WHAMM: variants seen among roughly 807,000 people sequenced by gnomAD.
The protein encoded by WHAMM is WASP homolog-associated protein with actin, membranes and microtubules.
In WHAMM, 67 loss-of-function variants were observed where a neutral mutation model predicts 76.5. The observed-to-expected ratio is 0.88, with a 90% CI of 0.72 to 1.07. The LOEUF is 1.07. WHAMM is among the 50% of genes least tolerant of loss of function. WHAMM has a pLI of 0.00. For synonymous variants in WHAMM, 419 were observed against 422.1 expected (o/e 0.99, Z 0.09); for missense variants, 1,021 against 1,051.1 (o/e 0.97, Z 0.40).
chr15:82,811,957 T>C (rs2050636175), intron 1 of WHAMM, among the ~76,000 whole-genome samples: 1 of 152,172 alleles, frequency 6.6e-6, no homozygotes, highest in African/African-American at 2.4e-5. Flanking sequence ...TAAGAATGTA[T>C]TGGTTGAAAA....
chr15:82,826,694 C>T (rs768922947), intron 7 of WHAMM, 57 bp from the exon 8 acceptor site: 22 of 1,530,468 alleles, frequency 1.4e-5, no homozygotes, highest in Non-Finnish European at 1.9e-5. Context: ...TTATTGTATG[C>T]CAAGACATTT....
Position 82,810,165 on chromosome 15 carries a change from G to A in WHAMM, c.439G>A (p.Gly147Arg). ...PGEAALQELCGQLERYLGAAA... is the reference protein window; with the variant it reads ...PGEAALQELCRQLERYLGAAA... ...CGAGGCGGCGCTGCAGGAGCTGTGC[G>A]GGCAGCTGGAACGCTATCTGGGCGC... The change falls in exon 1 of 10, where the codon GGG (glycine) becomes AGG (arginine). Residue 147 changes from glycine to arginine, a missense_variant. Coordinates refer to ENST00000286760, the MANE Select transcript of WHAMM (RefSeq NM_001080435.3). The A allele has an allele frequency of 1.4e-6, 2 of 1,398,396 alleles. No homozygotes were observed. Among genetic ancestry groups the A allele is most frequent in the Non-Finnish European group, 1.9e-6 (2 of 1,071,418 alleles). 86.6% of individuals were successfully genotyped at this position (1,398,396 alleles called of 1,614,324 possible). A position where few individuals can be genotyped will look rare whatever the true frequency, so the allele number is the denominator to read the frequency against.
At chr15:82,817,498 A>G (rs2050745864) in intron 3 of WHAMM, among the ~76,000 whole-genome samples, 1 of 152,170 alleles carries the variant, frequency 6.6e-6, no homozygotes, top group African/African-American at 2.4e-5. Context: ...ACAGAAAACT[A>G]CGTAGCTGTT....
chr15:82,813,288 T>A lies in WHAMM; in HGVS notation c.783+12T>A, dbSNP rs74028582. On this transcript the variant is annotated intron_variant, in intron 2 of 9. Transcript: ENST00000286760. ...AGCTTGATATTTTGGTATGTTTTTTTAAAATTTTTACTTTATCAGATTTAC... is the reference window on the plus strand; with the variant it reads ...AGCTTGATATTTTGGTATGTTTTTTAAAAATTTTTACTTTATCAGATTTAC... 3.1e-4 allele frequency: 469 copies of A among 1,508,554 alleles called. 3 individuals are homozygous for A. In the African/African-American group the frequency reaches 6.0e-3, roughly 19 times the overall value. 93.4% of individuals were successfully genotyped at this position (1,508,554 alleles called of 1,614,324 possible). A position where few individuals can be genotyped will look rare whatever the true frequency, so the allele number is the denominator to read the frequency against.
Position 82,835,623 on chromosome 15 carries a change from G to A in WHAMM, c.*2087G>A, listed in dbSNP as rs1298859703. On this transcript the variant is annotated 3_prime_UTR_variant, in exon 10 of 10. Transcript: ENST00000286760. ...TTTTCAGAATGCAAATCCAACTCCT[G>A]TGTATGAATGAATGTGCCTCACTGT... 6.6e-6 allele frequency: 1 copy of A among 152,422 alleles called. No homozygotes were observed. The highest frequency in any genetic ancestry group is 1.5e-5 in the Non-Finnish European group (1 of 68,198). The allele number at this position is 152,422 out of a possible 1,614,324, so 9.4% of individuals were successfully genotyped here.
intron 2 of WHAMM, among the ~76,000 whole-genome samples, chr15:82,816,028 G>C (rs1314832298): frequency 2.0e-5 from 3 of 152,162 alleles, no homozygotes; most frequent in Non-Finnish European, 2.9e-5. Context: ...TTAATTTGTA[G>C]ATGACTGTCT....
Position 82,810,173 on chromosome 15 carries a change from G to C in WHAMM, c.447G>C (p.Leu149=). Residue 149 remains leucine (L), a synonymous_variant, in exon 1 of 10, where the codon CTG becomes CTC. Transcript: ENST00000286760. ...EAALQELCGQ[L]ERYLGAAADG... is the part of the protein sequence containing the mutation. ...CGCTGCAGGAGCTGTGCGGGCAGCT[G>C]GAACGCTATCTGGGCGCGGCGGCCG... 7.1e-7 allele frequency: 1 copy of C among 1,403,780 alleles called. No homozygotes were observed. Among genetic ancestry groups the C allele is most frequent in the Non-Finnish European group, 9.3e-7 (1 of 1,074,656 alleles). The allele number at this position is 1,403,780 out of a possible 1,614,324, so 87.0% of individuals were successfully genotyped here.
intron 1 of WHAMM, among the ~76,000 whole-genome samples, chr15:82,812,184 T>C (rs570759361): frequency 6.6e-6 from 1 of 152,186 alleles, no homozygotes; most frequent in Admixed American, 6.5e-5. Context: ...AGAATCAACA[T>C]GCTGAAGTAC....
In WHAMM at chr15:82,809,881, AGCG is replaced by A; in HGVS notation, c.161_163del (p.Arg54del). The A allele has an allele frequency of 1.3e-6, 2 of 1,560,322 alleles. No individual in the cohort carries two copies. Among genetic ancestry groups the A allele is most frequent in the Non-Finnish European group, 1.7e-6 (2 of 1,151,504 alleles). On this transcript the variant is annotated inframe_deletion, in exon 1 of 10. Coordinates refer to ENST00000286760, the MANE Select transcript of WHAMM (RefSeq NM_001080435.3). ...ACTTGTCACGACCGTACCGCGCAGC[AGCG>A]GCGGCTGCGCGAGGGGGCCCGGTTG... is the stretch of plus-strand genomic sequence containing the variant.
At chr15:82,824,811 CTT>C (rs1741510185) in intron 6 of WHAMM, among the ~76,000 whole-genome samples, 1 of 152,180 alleles carries the variant, frequency 6.6e-6, no homozygotes, top group Admixed American at 6.5e-5. Context: ...AAAATTGTGA[CTT>C]TTGTAGCTTA....
intron 6 of WHAMM, among the ~76,000 whole-genome samples, chr15:82,826,178 G>A (rs998399275): frequency 1.2e-4 from 18 of 152,222 alleles, no homozygotes; most frequent in African/African-American, 2.2e-4. Context: ...CATGGTTGGC[G>A]GATTGTTTTT....
Position 82,833,802 on chromosome 15 carries a change from C to G in WHAMM, c.*266C>G, listed in dbSNP as rs576966532. 2.4e-6 allele frequency: 1 copy of G among 413,548 alleles called. No individual in the cohort carries two copies. Among genetic ancestry groups the G allele is most frequent in the East Asian group, 4.4e-5 (1 of 22,646 alleles). 25.6% of individuals were successfully genotyped at this position (413,548 alleles called of 1,614,324 possible). ...CTTCCCAGGCTGGGGTGCAGTGGTGCGATCTTGGCTCACTGCAAGCTCCGC... is the reference window on the plus strand; with the variant it reads ...CTTCCCAGGCTGGGGTGCAGTGGTGGGATCTTGGCTCACTGCAAGCTCCGC... On this transcript the variant is annotated 3_prime_UTR_variant, in exon 10 of 10. Coordinates refer to ENST00000286760, the MANE Select transcript of WHAMM (RefSeq NM_001080435.3).
At chr15:82,832,280 C>T (rs1008728236) in intron 9 of WHAMM, among the ~76,000 whole-genome samples, 1 of 152,148 alleles carries the variant, frequency 6.6e-6, no homozygotes, top group Non-Finnish European at 1.5e-5. Flanking sequence ...TCTCATTACC[C>T]CCAGAAAGAA....
intron 2 of WHAMM, among the ~76,000 whole-genome samples, chr15:82,816,210 AT>A (rs2050723172): frequency 6.6e-6 from 1 of 152,196 alleles, no homozygotes; most frequent in Non-Finnish European, 1.5e-5. Context: ...CAACATATGC[AT>A]TTTGGGGGGA....
rs1370631227 is a variant in WHAMM, at chr15:82,833,737, T to TG, written c.*205dup. On this transcript the variant is annotated 3_prime_UTR_variant, in exon 10 of 10. Coordinates refer to ENST00000286760, the MANE Select transcript of WHAMM (RefSeq NM_001080435.3). ...TGGAGTCTCACTCTGTCGCCCAGGC[T>TG]GGGGTGCAGTGGCGCCATCTCGGCT... The TG allele has an allele frequency of 1.7e-6, 1 of 589,454 alleles. No homozygotes were observed. Among genetic ancestry groups the TG allele is most frequent in the African/African-American group, 1.9e-5 (1 of 53,576 alleles). The allele number at this position is 589,454 out of a possible 1,614,324, so 36.5% of individuals were successfully genotyped here. A position where few individuals can be genotyped will look rare whatever the true frequency, so the allele number is the denominator to read the frequency against.
intron 5 of WHAMM, among the ~76,000 whole-genome samples, chr15:82,821,885 C>T (rs1296793521): frequency 1.3e-5 from 2 of 152,142 alleles, no homozygotes; most frequent in African/African-American, 4.8e-5. Flanking sequence ...TAAAGTTCCT[C>T]CAAGTTTAAT....
At chr15:82,824,566 C>G (rs1447657482) in intron 6 of WHAMM, among the ~76,000 whole-genome samples, 2 of 152,138 alleles carry the variant, frequency 1.3e-5, no homozygotes, top group Non-Finnish European at 2.9e-5. Flanking sequence ...GGTGATCCAC[C>G]CGCCTTGGCC....
At position 82,822,637 on chromosome 15, in the gene WHAMM, C is replaced by T. The variant is rs756432825; in HGVS notation, c.1271-463C>T. ...ATTTTTAGTAGAGACGGGGTTTTGC[C>T]GTGTTGGCCAGGCTGGTCTTGAACT... On this transcript the variant is annotated intron_variant, in intron 5 of 9. Coordinates refer to ENST00000286760, the MANE Select transcript of WHAMM (RefSeq NM_001080435.3). 9.2e-4 allele frequency among the ~76,000 whole-genome samples: 140 copies of T among 152,122 alleles called. 1 individual carries two copies. Among genetic ancestry groups the T allele is most frequent in the Non-Finnish European group, 1.7e-3 (116 of 68,030 alleles).
Position 82,830,983 on chromosome 15 carries a change from T to C in WHAMM, c.2026T>C (p.Phe676Leu). The C allele has an allele frequency of 6.4e-7, 1 of 1,574,052 alleles. No individual in the cohort carries two copies. The highest frequency in any genetic ancestry group is 1.1e-5 in the South Asian group (1 of 90,140). Residue 676 changes from phenylalanine to leucine, a missense_variant, in exon 9 of 10, where the codon TTC (phenylalanine) becomes CTC (leucine). By Grantham distance (22) the Phe-to-Leu change is conservative (BLOSUM62 0). Coordinates refer to ENST00000286760, the MANE Select transcript of WHAMM (RefSeq NM_001080435.3). ...SQAATHQNLG[F>L]RAPVKDDQPR... ...AGCTGCAACTCATCAGAACTTAGGCTTCCGGGCTCCAGTGAAAGATGACCA... is the reference window on the plus strand; with the variant it reads ...AGCTGCAACTCATCAGAACTTAGGCCTCCGGGCTCCAGTGAAAGATGACCA...
Sources: allele counts gnomAD v4.1 joint callset (sites outside exome capture counted in the v4.1 genomes callset), GRCh38; gene constraint gnomAD v4.1.1; transcripts MANE v1.5; gene names NCBI Gene and HGNC (gene_info 2026-07-23, HGNC 2026-07-21).